The following FSTL5 variants were observed in gnomAD, a reference collection of about 807,000 sequenced individuals.
FSTL5 encodes follistatin-related protein 5.
FSTL5 carries 62 observed loss-of-function variants against 89.1 expected under a neutral mutation model. The ratio of observed to expected loss-of-function variants is 0.70; its 90% confidence interval spans 0.57 to 0.86. FSTL5 has a LOEUF of 0.86. FSTL5 is among the 40% of genes least tolerant of loss of function. The pLI is 0.00. For missense variants in FSTL5, 1,057 were observed against 1,001.6 expected, an observed-to-expected ratio of 1.06 and a Z score of -0.75; for synonymous variants, 383 against 346.2, an observed-to-expected ratio of 1.11 and a Z score of -1.18.
intron 4 of FSTL5, among the ~76,000 whole-genome samples, chr4:161,864,870 CAAA>C (rs10636039): frequency 2.3e-4 from 21 of 92,354 alleles, no homozygotes; most frequent in Admixed American, 4.0e-4. Flanking sequence ...GACTTCGTCT[CAAA>C]AAAAAAAAAA....
intron 4 of FSTL5, among the ~76,000 whole-genome samples, chr4:161,857,349 A>G (rs940185433): frequency 6.6e-6 from 1 of 152,146 alleles, no homozygotes; most frequent in Non-Finnish European, 1.5e-5. Context: ...ATTTTCTGTG[A>G]TTTGGTCTGA....
intron 1 of FSTL5, among the ~76,000 whole-genome samples, chr4:162,147,974 C>T (rs947226949): frequency 2.0e-5 from 3 of 152,108 alleles, no homozygotes; most frequent in Non-Finnish European, 4.4e-5. Flanking sequence ...CATTGCACTC[C>T]AGCCTGGGCA....
chr4:162,106,586 A>T (rs1008925838), intron 2 of FSTL5, among the ~76,000 whole-genome samples: 2 of 152,290 alleles, frequency 1.3e-5, no homozygotes, highest in Admixed American at 1.3e-4. Flanking sequence ...ACAACCAAGC[A>T]AGTAGTGAGA....
At chr4:161,744,421 G>C (rs548931587) in intron 6 of FSTL5, among the ~76,000 whole-genome samples, 89 of 152,154 alleles carry the variant, frequency 5.8e-4, no homozygotes, top group Non-Finnish European at 1.1e-3. Context: ...CTATAAGATG[G>C]CTTAGCACCA....
intron 8 of FSTL5, among the ~76,000 whole-genome samples, chr4:161,562,707 A>G (rs1732649010): frequency 6.6e-6 from 1 of 151,704 alleles, no homozygotes; most frequent in South Asian, 2.1e-4. Context: ...CCCATAATAT[A>G]AAATGTACCC....
At chr4:161,707,466 G>A (rs545697006) in intron 6 of FSTL5, among the ~76,000 whole-genome samples, 1 of 151,924 alleles carries the variant, frequency 6.6e-6, no homozygotes, top group East Asian at 1.9e-4. Flanking sequence ...CATATATTAT[G>A]CTACAAATGT....
Position 161,966,730 on chromosome 4 carries a change from G to T in FSTL5, c.161-46078C>A, listed in dbSNP as rs535420614. On this transcript the variant is annotated intron_variant, in intron 3 of 15. Transcript: ENST00000306100. ...CAGAAGGAACCAGCCCTGCTGACAC[G>T]TCCATCTTGGACTTCAAACATCCAG... 5.9e-5 allele frequency among the ~76,000 whole-genome samples: 9 copies of T among 152,112 alleles called. No individual in the cohort carries two copies. The East Asian group carries it at 1.4e-3, about 23-fold the overall frequency.
intron 1 of FSTL5, among the ~76,000 whole-genome samples, chr4:162,158,323 T>C (rs1463197060): frequency 6.6e-6 from 1 of 152,094 alleles, no homozygotes; most frequent in Non-Finnish European, 1.5e-5. Flanking sequence ...ATTTTGAATA[T>C]TCTATGAGGT....
rs146900819 is a variant in FSTL5, at chr4:162,116,278, G to A, written c.-16-4866C>T. Among the ~76,000 whole-genome samples, 16 of 152,328 alleles carry A rather than the reference G, an allele frequency of 1.1e-4. No individual in the cohort carries two copies. In the East Asian group the frequency reaches 3.1e-3, roughly 29 times the overall value. ...AAGAGGAATTTCTTTTATGGGAGCT[G>A]TATGTGAATATTCATAAAATACTGC... On this transcript the variant is annotated intron_variant, in intron 1 of 15. Transcript: ENST00000306100.
chr4:162,092,191 A>G (rs1351096991), intron 2 of FSTL5, among the ~76,000 whole-genome samples: 9 of 152,096 alleles, frequency 5.9e-5, no homozygotes, highest in Admixed American at 5.9e-4. Context: ...AACTGCTTAT[A>G]TAATTTTTTA....
chr4:161,942,686 A>G (rs538507335), intron 3 of FSTL5, among the ~76,000 whole-genome samples: 1 of 150,894 alleles, frequency 6.6e-6, no homozygotes, highest in East Asian at 1.9e-4. Context: ...TCCAGGGGGG[A>G]AAAAACCCTG....
intron 7 of FSTL5, among the ~76,000 whole-genome samples, chr4:161,593,593 G>GA (rs1733907018): frequency 6.6e-6 from 1 of 151,908 alleles, no homozygotes; most frequent in African/African-American, 2.4e-5. Flanking sequence ...AGAAGGGGAG[G>GA]AAAGGGAGGC....
intron 2 of FSTL5, among the ~76,000 whole-genome samples, chr4:162,069,550 T>TG (rs1473908333): frequency 2.6e-5 from 4 of 151,940 alleles, no homozygotes; most frequent in African/African-American, 9.7e-5. Context: ...CCCCTTCCCC[T>TG]GACCGTTTCC....
chr4:161,827,990 C>T (rs990203481), intron 4 of FSTL5, among the ~76,000 whole-genome samples: 1 of 152,152 alleles, frequency 6.6e-6, no homozygotes, highest in African/African-American at 2.4e-5. Flanking sequence ...TGAGTTCAGT[C>T]GAAATTGTTA....
intron 10 of FSTL5, among the ~76,000 whole-genome samples, chr4:161,516,642 TTTTATATAATAAATTATATATACAC>T (rs1730844502): frequency 8.7e-6 from 1 of 114,334 alleles, no homozygotes; most frequent in East Asian, 3.0e-4. Flanking sequence ...AAATTATATA[TTTTATATAATAAATTATATATACAC>T]ACACTAAGTA....
chr4:161,724,933 G>A (rs181826813), intron 6 of FSTL5, among the ~76,000 whole-genome samples: 1 of 152,158 alleles, frequency 6.6e-6, no homozygotes, highest in Non-Finnish European at 1.5e-5. Flanking sequence ...AGTGGCTCAC[G>A]CCTGTAATCT....
intron 2 of FSTL5, among the ~76,000 whole-genome samples, chr4:162,050,670 T>C (rs1395051356): frequency 6.6e-6 from 1 of 150,788 alleles, no homozygotes; most frequent in Non-Finnish European, 1.5e-5. Context: ...TTTACTTAAA[T>C]AGCATAAAAA....
chr4:162,106,056 TA>T (rs1356503199), intron 2 of FSTL5, among the ~76,000 whole-genome samples: 2 of 152,144 alleles, frequency 1.3e-5, no homozygotes, highest in African/African-American at 2.4e-5. Flanking sequence ...TATCGAAAGT[TA>T]AAAAAATCAC....
chr4:161,431,795 C>A (rs1038573554), intron 15 of FSTL5, among the ~76,000 whole-genome samples: 2 of 151,800 alleles, frequency 1.3e-5, no homozygotes, highest in African/African-American at 4.8e-5. Flanking sequence ...CAATGGAAAC[C>A]AATAAAAGAA....
Sources: gnomAD v4.1 joint callset for allele counts (sites outside exome capture counted in the v4.1 genomes callset) on GRCh38, gnomAD v4.1.1 for gene constraint, MANE v1.5 for transcripts, NCBI Gene and HGNC (gene_info 2026-07-23, HGNC 2026-07-21) for gene names.